ADK: variants seen among roughly 807,000 people sequenced by gnomAD.
ADK encodes adenosine kinase.
A neutral mutation model predicts 44.7 loss-of-function variants in ADK; 24 were observed. The ratio of observed to expected loss-of-function variants is 0.54; its 90% CI spans 0.39 to 0.76. ADK has a LOEUF of 0.76. Among genes scored for constraint, ADK ranks in the 30% least tolerant of loss-of-function variants. The pLI is 0.00. For synonymous variants in ADK, 128 were observed against 142.6 expected, an observed-to-expected ratio of 0.90 and a Z score of 0.73; for missense variants, 321 against 425.1, an observed-to-expected ratio of 0.76 and a Z score of 2.15.
chr10:74,347,289 A>G (rs1232845633), intron 4 of ADK, among the ~76,000 whole-genome samples: 1 of 151,900 alleles, frequency 6.6e-6, no homozygotes, highest in Non-Finnish European at 1.5e-5. Flanking sequence ...GGGTGAGCAG[A>G]AGCAGGGTGG....
chr10:74,350,434 T>C (rs1040656065), intron 4 of ADK, among the ~76,000 whole-genome samples: 6 of 152,216 alleles, frequency 3.9e-5, no homozygotes, highest in African/African-American at 9.6e-5. Flanking sequence ...GGGATATTTA[T>C]AGCACTAAGT....
At chr10:74,224,660 A>G (rs1294223348) in intron 3 of ADK, 69 bp downstream of exon 3, 4 of 1,269,708 alleles carry the variant, frequency 3.2e-6, no homozygotes, top group East Asian at 2.4e-5. Context: ...GTATATGTAA[A>G]TTATCTGATT....
At chr10:74,618,444 T>C (rs1042046467) in intron 9 of ADK, among the ~76,000 whole-genome samples, 6 of 152,112 alleles carry the variant, frequency 3.9e-5, no homozygotes, top group African/African-American at 1.4e-4. Flanking sequence ...GCATGCGCCA[T>C]CATACCCAGC....
chr10:74,368,699 A>G (rs2131966061), intron 4 of ADK, among the ~76,000 whole-genome samples: 1 of 151,582 alleles, frequency 6.6e-6, no homozygotes, highest in African/African-American at 2.4e-5. Flanking sequence ...GCCCCATTTC[A>G]GATCACTGCA....
intron 10 of ADK, among the ~76,000 whole-genome samples, chr10:74,694,952 C>CTTTTT (rs970325959): frequency 2.8e-5 from 4 of 144,880 alleles, no homozygotes; most frequent in Non-Finnish European, 6.1e-5. Flanking sequence ...ACCTGGAATT[C>CTTTTT]TTTTTTTTTT....
chr10:74,558,821 A>G (rs1260645351), intron 7 of ADK, among the ~76,000 whole-genome samples: 3 of 152,214 alleles, frequency 2.0e-5, no homozygotes, highest in Non-Finnish European at 2.9e-5. Flanking sequence ...TGGAGCTTCA[A>G]AAGAAATCAA....
chr10:74,172,171 TTCTA>T (rs1411346304), intron 1 of ADK, among the ~76,000 whole-genome samples: 1 of 151,512 alleles, frequency 6.6e-6, no homozygotes, highest in Non-Finnish European at 1.5e-5. Flanking sequence ...CAGGGTCTTG[TTCTA>T]TCTCTCAGGC....
intron 6 of ADK, among the ~76,000 whole-genome samples, chr10:74,497,886 C>CT (rs550233278): frequency 1.1e-3 from 163 of 144,888 alleles, no homozygotes; most frequent in Middle Eastern, 3.5e-3. Flanking sequence ...AAGACCTTTT[C>CT]TTTTTTTTTT....
chr10:74,417,313 A>C (rs1330719927), intron 6 of ADK, among the ~76,000 whole-genome samples: 1 of 152,174 alleles, frequency 6.6e-6, no homozygotes, highest in African/African-American at 2.4e-5. Context: ...CATTAATATA[A>C]CGGAAGACTT....
At chr10:74,329,456 A>AG (rs1286728242) in intron 4 of ADK, among the ~76,000 whole-genome samples, 2 of 152,210 alleles carry the variant, frequency 1.3e-5, no homozygotes, top group Non-Finnish European at 2.9e-5. Context: ...CACTATGTAG[A>AG]GGTCCATACA....
chr10:74,618,612 T>C (rs1017232585), intron 9 of ADK, among the ~76,000 whole-genome samples: 3 of 152,188 alleles, frequency 2.0e-5, no homozygotes, highest in African/African-American at 7.2e-5. Context: ...TTTGTTTGTC[T>C]GAAAGTTTCC....
chr10:74,346,575 C>T (rs1384269488), intron 4 of ADK, among the ~76,000 whole-genome samples: 1 of 152,102 alleles, frequency 6.6e-6, no homozygotes, highest in Non-Finnish European at 1.5e-5. Flanking sequence ...TGTAAAAGAG[C>T]AATCTTGTTT....
At chr10:74,602,342 A>T (rs1404735260) in intron 9 of ADK, among the ~76,000 whole-genome samples, 1 of 152,170 alleles carries the variant, frequency 6.6e-6, no homozygotes, top group Non-Finnish European at 1.5e-5. Flanking sequence ...GACAGTTTAG[A>T]AAAGTGAAAA....
chr10:74,418,875 G>C (rs1389324412), intron 6 of ADK, among the ~76,000 whole-genome samples: 1 of 152,120 alleles, frequency 6.6e-6, no homozygotes, highest in African/African-American at 2.4e-5. Flanking sequence ...GATTACCTCC[G>C]ATGGATTTGA....
chr10:74,349,883 C>G (rs374777123), intron 4 of ADK, among the ~76,000 whole-genome samples: 1 of 152,124 alleles, frequency 6.6e-6, no homozygotes, highest in Non-Finnish European at 1.5e-5. Flanking sequence ...TATATATGCA[C>G]CCACTACAGG....
At chr10:74,475,712 G>A (rs1045337340) in intron 6 of ADK, among the ~76,000 whole-genome samples, 1 of 151,022 alleles carries the variant, frequency 6.6e-6, no homozygotes, top group African/African-American at 2.4e-5. Context: ...TCTCTAAACA[G>A]AGAAAGAGAG....
At chr10:74,692,867 A>G (rs1856043340) in intron 10 of ADK, among the ~76,000 whole-genome samples, 1 of 152,146 alleles carries the variant, frequency 6.6e-6, no homozygotes, top group African/African-American at 2.4e-5. Context: ...TGACACAATC[A>G]CCTAGTGATC....
At chr10:74,194,621 T>C (rs1358333857) in intron 1 of ADK, among the ~76,000 whole-genome samples, 4 of 152,226 alleles carry the variant, frequency 2.6e-5, no homozygotes, top group African/African-American at 4.8e-5. Context: ...GCAGGATTTA[T>C]TGTGGCTAAA....
rs937718544 is a variant in ADK at position 74,274,902 on chromosome 10, C to T, written c.195-39765C>T. Among the ~76,000 whole-genome samples the T allele has an allele frequency of 3.3e-5, 5 of 151,572 alleles. No homozygotes were observed. In the East Asian group the frequency reaches 7.8e-4, roughly 24 times the overall value. Reference sequence around the variant, plus strand: ...ACACCGTACCTGACTGGAGGAACTACGTTTTTGATATGGTACTCAGAGAAC... The same window carrying T: ...ACACCGTACCTGACTGGAGGAACTATGTTTTTGATATGGTACTCAGAGAAC... On this transcript the variant is annotated intron_variant, in intron 3 of 10. Transcript: ENST00000539909.
Sources: gnomAD v4.1 joint callset for allele counts (sites outside exome capture counted in the v4.1 genomes callset) on GRCh38, gnomAD v4.1.1 for gene constraint, MANE v1.5 for transcripts, NCBI Gene and HGNC (gene_info 2026-07-23, HGNC 2026-07-21) for gene names.